Variants in PPM1H observed in about 807,000 individuals in gnomAD.
PPM1H encodes the protein protein phosphatase, Mg2+/Mn2+ dependent 1H.
In PPM1H, 27 loss-of-function variants were observed where a neutral mutation model predicts 54.9. The observed-to-expected ratio is 0.49, with a 90% CI of 0.36 to 0.68. PPM1H has a LOEUF of 0.68. PPM1H is among the 30% of genes least tolerant of loss of function. The probability of loss-of-function intolerance (pLI) is 0.00; values close to 1 mark genes in which losing one functional copy is unlikely to be tolerated. For synonymous variants in PPM1H, 305 were observed against 270.8 expected (o/e 1.13, Z -1.24); for missense variants, 596 against 667.8 (o/e 0.89, Z 1.19).
intron 1 of PPM1H, among the ~76,000 whole-genome samples, chr12:62,905,081 GCTTCAATTTCTTCAT>G (rs1475588678): frequency 1.3e-5 from 2 of 152,060 alleles, no homozygotes; most frequent in Non-Finnish European, 2.9e-5. Context: ...TCTCTCCTGG[GCTTCAATTTCTTCAT>G]CTGTGACAAA....
intron 6 of PPM1H, among the ~76,000 whole-genome samples, chr12:62,714,119 T>C (rs1204278178): frequency 6.6e-6 from 1 of 152,220 alleles, no homozygotes; most frequent in Non-Finnish European, 1.5e-5. Flanking sequence ...CTTTCTGTGA[T>C]GATGGAGACG....
At chr12:62,861,325 T>C (rs1869594972) in intron 1 of PPM1H, among the ~76,000 whole-genome samples, 1 of 152,198 alleles carries the variant, frequency 6.6e-6, no homozygotes, top group Non-Finnish European at 1.5e-5. Context: ...TAGGAAGCAC[T>C]AAAATTAAAC....
intron 6 of PPM1H, among the ~76,000 whole-genome samples, chr12:62,713,986 C>A (rs12581172): frequency 0.067 from 10,131 of 151,574 alleles, 390 homozygotes; most frequent in East Asian, 0.15. Flanking sequence ...ACAAAAAAAA[C>A]AAACCAAAAC....
chr12:62,846,388 T>G (rs1279760453), intron 1 of PPM1H, among the ~76,000 whole-genome samples: 1 of 151,202 alleles, frequency 6.6e-6, no homozygotes, highest in East Asian at 1.9e-4. Context: ...TAGTCCCAGC[T>G]ACTAAGGAGG....
intron 6 of PPM1H, among the ~76,000 whole-genome samples, chr12:62,694,836 G>A (rs1311417134): frequency 6.6e-6 from 1 of 152,214 alleles, no homozygotes; most frequent in African/African-American, 2.4e-5. Flanking sequence ...CCTGCACTTA[G>A]TAAGAGCCCA....
rs931724884 is a variant in PPM1H, at chr12:62,844,374, G to A, written c.246-12095C>T. Among the ~76,000 whole-genome samples, 1 of 152,150 alleles carries A rather than the reference G, an allele frequency of 6.6e-6. No homozygotes were observed. Among genetic ancestry groups the A allele is most frequent in the African/African-American group, 2.4e-5 (1 of 41,436 alleles). On this transcript the variant is annotated intron_variant, in intron 1 of 9. Coordinates refer to ENST00000228705, the MANE Select transcript of PPM1H (RefSeq NM_020700.2). The surrounding 1 kb of genome is among the most constrained non-coding windows in gnomAD (Gnocchi z 5.2). Reference sequence around the variant, plus strand: ...GAGAAATAATGTTCTGAGGGGCAAGGGGGGCGTCTTATCTCTGATGCTGCT... The same window carrying A: ...GAGAAATAATGTTCTGAGGGGCAAGAGGGGCGTCTTATCTCTGATGCTGCT...
chr12:62,847,676 C>T (rs1045786427), intron 1 of PPM1H, among the ~76,000 whole-genome samples: 2 of 152,024 alleles, frequency 1.3e-5, no homozygotes, highest in African/African-American at 4.8e-5. Context: ...CTGACAGCCA[C>T]TGATCAGGCA....
At chr12:62,860,181 C>G (rs916464766) in intron 1 of PPM1H, among the ~76,000 whole-genome samples, 1 of 152,034 alleles carries the variant, frequency 6.6e-6, no homozygotes, top group Non-Finnish European at 1.5e-5. Flanking sequence ...AGGAGGAGTG[C>G]AAAGCAAAGG....
intron 1 of PPM1H, among the ~76,000 whole-genome samples, chr12:62,877,550 C>A (rs1463150483): frequency 6.6e-6 from 1 of 152,198 alleles, no homozygotes; most frequent in Admixed American, 6.5e-5. Context: ...TGTACTCTCT[C>A]TCTCTATTCT....
intron 1 of PPM1H, among the ~76,000 whole-genome samples, chr12:62,904,667 C>T (rs1275198735): frequency 6.6e-6 from 1 of 152,058 alleles, no homozygotes. Flanking sequence ...GGAATTTCCA[C>T]CCTTGAAGTG....
At chr12:62,765,686 G>T (rs1283513401) in intron 4 of PPM1H, among the ~76,000 whole-genome samples, 1 of 152,204 alleles carries the variant, frequency 6.6e-6, no homozygotes, top group Non-Finnish European at 1.5e-5. Context: ...ATAGAGGGGA[G>T]ACCCTTGGGC....
At chr12:62,814,495 G>C (rs1316729699) in intron 2 of PPM1H, among the ~76,000 whole-genome samples, 1 of 152,096 alleles carries the variant, frequency 6.6e-6, no homozygotes, top group Non-Finnish European at 1.5e-5. Flanking sequence ...TGAAATTACA[G>C]GCATGAGCCA....
At chr12:62,884,841 T>C (rs988201665) in intron 1 of PPM1H, among the ~76,000 whole-genome samples, 1 of 152,136 alleles carries the variant, frequency 6.6e-6, no homozygotes, top group Non-Finnish European at 1.5e-5. Flanking sequence ...AAGGTTCTCA[T>C]TTGGAGATTG....
At chr12:62,765,642 G>A (rs1330453444) in intron 4 of PPM1H, among the ~76,000 whole-genome samples, 1 of 152,216 alleles carries the variant, frequency 6.6e-6, no homozygotes, top group Non-Finnish European at 1.5e-5. Flanking sequence ...GAGACACCCA[G>A]TTACAGTGCA....
chr12:62,868,101 T>G (rs1378109745), intron 1 of PPM1H, among the ~76,000 whole-genome samples: 1 of 152,160 alleles, frequency 6.6e-6, no homozygotes, highest in African/African-American at 2.4e-5. Context: ...GCATGATAAC[T>G]GCCCTCCTCC....
At chr12:62,704,263 G>A (rs552485391) in intron 6 of PPM1H, among the ~76,000 whole-genome samples, 79 of 152,242 alleles carry the variant, frequency 5.2e-4, no homozygotes, top group Non-Finnish European at 9.1e-4. Context: ...AAGAGGCTGC[G>A]AAACACCCTC....
chr12:62,897,702 T>C (rs1346217815), intron 1 of PPM1H, among the ~76,000 whole-genome samples: 1 of 152,062 alleles, frequency 6.6e-6, no homozygotes, highest in East Asian at 1.9e-4. Flanking sequence ...ACTTTGTGGC[T>C]TGGCTGAAAG....
At chr12:62,742,526 A>G (rs1394543209) in intron 4 of PPM1H, among the ~76,000 whole-genome samples, 3 of 152,246 alleles carry the variant, frequency 2.0e-5, no homozygotes, top group Non-Finnish European at 4.4e-5. Context: ...ACCTCATACT[A>G]AACAATCAAT....
chr12:62,805,778 T>C (rs1242526083), intron 2 of PPM1H, among the ~76,000 whole-genome samples: 2 of 152,172 alleles, frequency 1.3e-5, no homozygotes, highest in African/African-American at 4.8e-5. Context: ...GAATGTACAG[T>C]ATGGTGACTT....
Sources: gnomAD v4.1 joint callset for allele counts (sites outside exome capture counted in the v4.1 genomes callset) on GRCh38, gnomAD v4.1.1 for gene constraint, Gnocchi (gnomAD v3.1) non-coding constraint, MANE v1.5 for transcripts, NCBI Gene and HGNC (gene_info 2026-07-23, HGNC 2026-07-21) for gene names.